Variants in CCDC57 observed in about 807,000 individuals in gnomAD.
CCDC57 encodes coiled-coil domain-containing protein 57.
In CCDC57, 118 loss-of-function variants were observed where a neutral mutation model predicts 118.9. The observed-to-expected ratio is 0.99, with a 90% confidence interval of 0.86 to 1.16. CCDC57 has a LOEUF of 1.16. CCDC57 is among the 50% of genes most tolerant of loss of function. The pLI, the probability that CCDC57 is intolerant of heterozygous loss-of-function variation, is 0.00. For missense variants in CCDC57, 1,300 were observed against 1,320.7 expected, an observed-to-expected ratio of 0.98 and a Z score of 0.24; for synonymous variants, 527 against 532.9, an observed-to-expected ratio of 0.99 and a Z score of 0.15.
chr17:82,196,972 C>T (rs535868000), intron 4 of CCDC57, among the ~76,000 whole-genome samples: 2 of 143,400 alleles, frequency 1.4e-5, no homozygotes, highest in Non-Finnish European at 3.0e-5. Context: ...AGAGACGCAG[C>T]CCCTCGTGAC....
At chr17:82,142,177 T>G (rs974508790) in intron 16 of CCDC57, among the ~76,000 whole-genome samples, 5 of 152,204 alleles carry the variant, frequency 3.3e-5, no homozygotes, top group African/African-American at 9.7e-5. Flanking sequence ...TTTCTGAAAA[T>G]TATCTTTTAA....
chr17:82,101,720 T>G, exon 20 of CCDC57: 1 of 1,606,944 alleles, frequency 6.2e-7, no homozygotes, highest in Non-Finnish European at 8.5e-7. Context: ...TTGGGGGGCC[T>G]CTGGCAGCCT....
At chr17:82,109,640 G>A (rs2035108632) in intron 19 of CCDC57, among the ~76,000 whole-genome samples, 1 of 152,020 alleles carries the variant, frequency 6.6e-6, no homozygotes, top group Non-Finnish European at 1.5e-5. Flanking sequence ...GGTGGATCAC[G>A]AGGTCAGGAG....
At chr17:82,122,882 T>C (rs1253087492) in intron 19 of CCDC57, among the ~76,000 whole-genome samples, 1 of 152,212 alleles carries the variant, frequency 6.6e-6, no homozygotes, top group African/African-American at 2.4e-5. Context: ...AAATACGGCC[T>C]CTTTTCACTG....
intron 19 of CCDC57, among the ~76,000 whole-genome samples, chr17:82,116,233 C>T (rs192978123): frequency 1.4e-3 from 198 of 143,240 alleles, no homozygotes; most frequent in African/African-American, 4.7e-3. Context: ...AAGTTGTGAC[C>T]ATTTTTGCTC....
chr17:82,145,524 G>T (rs528125065), intron 16 of CCDC57, among the ~76,000 whole-genome samples: 7 of 152,106 alleles, frequency 4.6e-5, no homozygotes, highest in African/African-American at 1.4e-4. Flanking sequence ...TCCAGCCTTG[G>T]CAACAGAGAT....
At chr17:82,134,334 G>C in intron 16 of CCDC57, 140 bp from the exon 16 acceptor site, 1 of 791,272 alleles carries the variant, frequency 1.3e-6, no homozygotes, top group East Asian at 3.4e-5. Context: ...AACTTGGGGA[G>C]GGCCGGACAA....
Position 82,101,593 on chromosome 17 carries a change from C to G in CCDC57, c.*89G>C, listed in dbSNP as rs754218483. The stretch of plus-strand genomic sequence containing the variant: ...CCTGCCTCCACCCTGCACGCTGTGC[C>G]CACACCCCCCCACAACACGTAGGTG... On this transcript the variant is annotated 3_prime_UTR_variant, in exon 20 of 20. Coordinates refer to ENST00000665763, the Ensembl canonical transcript of CCDC57. 4 of 1,166,824 alleles carry G rather than the reference C, an allele frequency of 3.4e-6. No homozygotes were observed. The African/African-American group carries it at 6.3e-5, about 18-fold the overall frequency. 72.3% of individuals were successfully genotyped at this position (1,166,824 alleles called of 1,614,324 possible).
rs538312160 is a variant in CCDC57 at position 82,206,216 on chromosome 17, C to T, written c.-9+1631G>A. Among the ~76,000 whole-genome samples, 4 of 152,352 alleles carry T rather than the reference C, an allele frequency of 2.6e-5. No individual in the cohort carries two copies. In the South Asian group the frequency reaches 8.3e-4, roughly 32 times the overall value. On this transcript the variant is annotated intron_variant, in intron 2 of 19. Transcript: ENST00000665763. ...GGCTGGAACAGCATGGGTGGGCATC[C>T]CATCACTTTGATTTTCTCATTTTAA...
At chr17:82,103,977 T>C (rs919156933) in intron 19 of CCDC57, among the ~76,000 whole-genome samples, 20 of 152,140 alleles carry the variant, frequency 1.3e-4, no homozygotes, top group African/African-American at 4.8e-4. Context: ...GGCAGGGAAC[T>C]GGCCATGAGC....
intron 19 of CCDC57, chr17:82,107,744 T>C: frequency 2.6e-6 from 1 of 384,078 alleles, no homozygotes; most frequent in South Asian, 1.9e-5. Flanking sequence ...CATTAGCCCT[T>C]GGGCTGGAAG....
At chr17:82,160,948 A>C (rs1396276320) in intron 14 of CCDC57, among the ~76,000 whole-genome samples, 1 of 151,928 alleles carries the variant, frequency 6.6e-6, no homozygotes, top group Non-Finnish European at 1.5e-5. Flanking sequence ...GTAGCAAATC[A>C]TATATCTAAT....
intron 17 of CCDC57, among the ~76,000 whole-genome samples, chr17:82,129,393 G>C (rs1196646458): frequency 6.6e-6 from 1 of 152,206 alleles, no homozygotes; most frequent in Non-Finnish European, 1.5e-5. Context: ...CAAAGCAGTG[G>C]GACCTGTACA....
chr17:82,171,920 C>T, intron 12 of CCDC57, 67 bp from the exon 12 acceptor site: 1 of 1,555,300 alleles, frequency 6.4e-7, no homozygotes, highest in South Asian at 1.2e-5. Flanking sequence ...CTCCTGTGAG[C>T]ACCAGCTCAG....
At chr17:82,185,585 C>G (rs2046827420) in intron 8 of CCDC57, among the ~76,000 whole-genome samples, 1 of 151,856 alleles carries the variant, frequency 6.6e-6, no homozygotes, top group African/African-American at 2.4e-5. Flanking sequence ...CGCCACTGCA[C>G]TCCAGCCTGG....
chr17:82,181,319 C>G (rs762666017), intron 9 of CCDC57, among the ~76,000 whole-genome samples: 1 of 152,266 alleles, frequency 6.6e-6, no homozygotes, highest in Non-Finnish European at 1.5e-5. Flanking sequence ...GCGGAGCATC[C>G]TTGGAGCTCT....
intron 5 of CCDC57, among the ~76,000 whole-genome samples, chr17:82,194,966 C>A (rs1431971606): frequency 1.3e-5 from 2 of 152,272 alleles, no homozygotes; most frequent in Non-Finnish European, 2.9e-5. Flanking sequence ...GCTTTTCCTA[C>A]TGATCTGTGC....
intron 19 of CCDC57, chr17:82,106,370 C>T (rs1330006324): frequency 1.3e-5 from 2 of 152,388 alleles, no homozygotes; most frequent in Non-Finnish European, 2.9e-5. Flanking sequence ...CGACCAGAGC[C>T]CATCTGAGCT....
At chr17:82,107,676 CCAACAGCTGCACTGCCCGCTCCCCTGG>C (rs1191498060) in intron 19 of CCDC57, 1 of 454,726 alleles carries the variant, frequency 2.2e-6, no homozygotes, top group Non-Finnish European at 4.5e-6. Flanking sequence ...CCCCTGCTGT[CCAACAGCTGCACTGCCCGCTCCCCTGG>C]CAACACCTGC....
Sources: gnomAD v4.1 joint callset for allele counts (sites outside exome capture counted in the v4.1 genomes callset) on GRCh38, gnomAD v4.1.1 for gene constraint, MANE v1.5 for transcripts, NCBI Gene and HGNC (gene_info 2026-07-23, HGNC 2026-07-21) for gene names.